The following R3HCC1L variants were observed in gnomAD, a reference collection of about 807,000 sequenced individuals.
The protein encoded by R3HCC1L is coiled-coil domain-containing protein R3HCC1L.
A neutral mutation model predicts 59.9 loss-of-function variants in R3HCC1L; 51 were observed. The ratio of observed to expected loss-of-function variants is 0.85; its 90% CI spans 0.68 to 1.07. The LOEUF (loss-of-function observed/expected upper bound fraction) is 1.07. Ranked by LOEUF, R3HCC1L falls within the 50% of genes least tolerant of loss-of-function variation. The pLI is 0.00. For missense variants in R3HCC1L, 965 were observed against 933.0 expected (o/e 1.03, Z -0.45); for synonymous variants, 322 against 315.2 (o/e 1.02, Z -0.23).
At chr10:98,168,071 C>T (rs1319425479) in intron 4 of R3HCC1L, among the ~76,000 whole-genome samples, 1 of 152,146 alleles carries the variant, frequency 6.6e-6, no homozygotes, top group Non-Finnish European at 1.5e-5. Context: ...TTTCAAATAA[C>T]TGTAGAAGCA....
intron 4 of R3HCC1L, among the ~76,000 whole-genome samples, chr10:98,171,039 C>T (rs1165823036): frequency 2.0e-5 from 3 of 152,142 alleles, no homozygotes; most frequent in Non-Finnish European, 4.4e-5. Flanking sequence ...TTATTTGTGG[C>T]CACCTTCCTT....
intron 4 of R3HCC1L, among the ~76,000 whole-genome samples, chr10:98,198,362 T>C (rs1405642336): frequency 3.3e-5 from 5 of 152,106 alleles, no homozygotes; most frequent in Non-Finnish European, 7.4e-5. Flanking sequence ...AATGGACATA[T>C]ACACTGCTGA....
chr10:98,233,991 C>A (rs979976292), intron 6 of R3HCC1L, among the ~76,000 whole-genome samples: 2 of 152,074 alleles, frequency 1.3e-5, no homozygotes, highest in Admixed American at 1.3e-4. Context: ...CTACCCCATT[C>A]TCTTCTCTTT....
intron 4 of R3HCC1L, among the ~76,000 whole-genome samples, chr10:98,171,201 C>T (rs922187803): frequency 6.6e-6 from 1 of 152,224 alleles, no homozygotes; most frequent in Non-Finnish European, 1.5e-5. Flanking sequence ...TGCATTGCCA[C>T]TTAATATCTG....
At chr10:98,211,328 C>T (rs748278522) in intron 5 of R3HCC1L, 4 of 1,531,884 alleles carry the variant, frequency 2.6e-6, no homozygotes, top group East Asian at 2.4e-5. Flanking sequence ...GCACATAAAG[C>T]CCGAGAACCA....
intron 1 of R3HCC1L, among the ~76,000 whole-genome samples, chr10:98,146,051 C>T (rs1845620688): frequency 6.6e-6 from 1 of 152,130 alleles, no homozygotes; most frequent in African/African-American, 2.4e-5. Flanking sequence ...ATACATATTT[C>T]TAAGTAATAA....
chr10:98,184,628 A>G (rs895599952), intron 4 of R3HCC1L, among the ~76,000 whole-genome samples: 6 of 152,188 alleles, frequency 3.9e-5, no homozygotes, highest in Non-Finnish European at 5.9e-5. Context: ...ACTGTAGTAC[A>G]TTGCTGTTAC....
chr10:98,235,753 T>C (rs999889252), intron 8 of R3HCC1L, among the ~76,000 whole-genome samples: 5 of 152,248 alleles, frequency 3.3e-5, no homozygotes, highest in Admixed American at 3.3e-4. Context: ...GCAATCAGTT[T>C]CTGATGACAT....
chr10:98,214,370 CAG>C (rs1285990642), intron 5 of R3HCC1L, among the ~76,000 whole-genome samples: 1 of 151,972 alleles, frequency 6.6e-6, no homozygotes, highest in African/African-American at 2.4e-5. Context: ...TTTAATTTGT[CAG>C]GGTATATATA....
intron 2 of R3HCC1L, among the ~76,000 whole-genome samples, chr10:98,162,274 C>T (rs1847501420): frequency 6.6e-6 from 1 of 152,066 alleles, no homozygotes; most frequent in Admixed American, 6.6e-5. Context: ...AGTAAATATC[C>T]TTGTAGAAGT....
chr10:98,209,281 A>G lies in R3HCC1L; in HGVS notation c.1167A>G (p.Val389=), dbSNP rs1305736665. 1.2e-6 allele frequency: 2 copies of G among 1,613,952 alleles called. No individual in the cohort carries two copies. The highest frequency in any genetic ancestry group is 1.7e-6 in the Non-Finnish European group (2 of 1,179,926). The change falls in exon 5 of 10, where the codon GTA becomes GTG. Residue 389 remains valine (V), a synonymous_variant. Transcript: ENST00000298999. ...DTTGMSCSDH[V]TVDSPYVVAV... is the part of the protein sequence containing the mutation. Reference sequence around the variant, plus strand: ...CAGGTATGTCCTGTAGTGATCATGTAACTGTTGATAGCCCTTATGTAGTTG... The same window carrying G: ...CAGGTATGTCCTGTAGTGATCATGTGACTGTTGATAGCCCTTATGTAGTTG...
At position 98,208,614 on chromosome 10, in the gene R3HCC1L, G is replaced by GT. The variant is rs747483284; in HGVS notation, c.503dup (p.Leu168PhefsTer20). 3 of 1,614,084 alleles carry GT rather than the reference G, an allele frequency of 1.9e-6. No individual in the cohort carries two copies. In the East Asian group the frequency reaches 6.7e-5, roughly 36 times the overall value. On this transcript the variant is annotated frameshift_variant, in exon 5 of 10. Coordinates refer to ENST00000298999, the MANE Select transcript of R3HCC1L (RefSeq NM_001351015.2). LOFTEE classifies it high-confidence loss of function. ...GAGAGGATACTTCTTTCACAGGCCT[G>GT]TTTAGAAATCAGCGAGGCTCAAGTT...
intron 4 of R3HCC1L, among the ~76,000 whole-genome samples, chr10:98,179,173 C>G (rs1333017639): frequency 8.5e-5 from 13 of 152,162 alleles, no homozygotes; most frequent in African/African-American, 2.9e-4. Flanking sequence ...AGTTTTTGCC[C>G]ATTCAGTATG....
Position 98,173,761 on chromosome 10 carries a change from C to T in R3HCC1L, c.-15+10364C>T, listed in dbSNP as rs552535293. Among the ~76,000 whole-genome samples the T allele has an allele frequency of 4.6e-4, 70 of 152,182 alleles. No individual in the cohort carries two copies. The South Asian group carries it at 0.013, about 29-fold the overall frequency. On this transcript the variant is annotated intron_variant, in intron 4 of 9. Coordinates refer to ENST00000298999, the MANE Select transcript of R3HCC1L (RefSeq NM_001351015.2). ...GCATTGGGACCTGACCAAATAGTGC[C>T]CCCTCCCCATAAGCTATCTATCTCC...
At chr10:98,152,016 T>C (rs373522903) in intron 1 of R3HCC1L, among the ~76,000 whole-genome samples, 4 of 152,204 alleles carry the variant, frequency 2.6e-5, no homozygotes, top group Non-Finnish European at 5.9e-5. Flanking sequence ...GAAGCTGGAC[T>C]GTACTGCTGC....
intron 1 of R3HCC1L, among the ~76,000 whole-genome samples, chr10:98,155,277 TGTAA>T (rs1234197528): frequency 1.3e-5 from 2 of 152,220 alleles, no homozygotes. Flanking sequence ...TTAATGAATT[TGTAA>T]GTAAGGTCAG....
At chr10:98,185,465 A>G (rs1270770856) in intron 4 of R3HCC1L, among the ~76,000 whole-genome samples, 4 of 152,226 alleles carry the variant, frequency 2.6e-5, no homozygotes, top group Admixed American at 6.5e-5. Flanking sequence ...TCTCAGAGAA[A>G]GAACTGTGAT....
In R3HCC1L at chr10:98,153,139, A is replaced by G. The variant is rs899946599; in HGVS notation, c.-267-2954A>G. Among the ~76,000 whole-genome samples, 16 of 152,356 alleles carry G rather than the reference A, an allele frequency of 1.1e-4. No individual in the cohort carries two copies. The East Asian group carries it at 2.5e-3, about 24-fold the overall frequency. On this transcript the variant is annotated intron_variant, in intron 1 of 9. Coordinates refer to ENST00000298999, the MANE Select transcript of R3HCC1L (RefSeq NM_001351015.2). ...CCCAACAGCTCATTGAGAACGGGCC[A>G]TGATGACAATGGCGGTTTTGTGGAA...
intron 4 of R3HCC1L, among the ~76,000 whole-genome samples, chr10:98,168,157 G>A (rs991987623): frequency 5.3e-5 from 8 of 152,002 alleles, no homozygotes; most frequent in African/African-American, 1.7e-4. Flanking sequence ...GCCCCCTACC[G>A]CCAGTTACAT....
Sources: allele counts gnomAD v4.1 joint callset (sites outside exome capture counted in the v4.1 genomes callset), GRCh38; gene constraint gnomAD v4.1.1; transcripts MANE v1.5; gene names NCBI Gene and HGNC (gene_info 2026-07-23, HGNC 2026-07-21).